CATSPERB: variants seen among roughly 807,000 people sequenced by gnomAD.
CATSPERB encodes cation channel sperm-associated auxiliary subunit beta.
In CATSPERB, 93 loss-of-function variants were observed where a neutral mutation model predicts 128.3. The observed-to-expected ratio is 0.72, with a 90% CI of 0.61 to 0.86. The LOEUF (loss-of-function observed/expected upper bound fraction) is 0.86. Among genes scored for constraint, CATSPERB ranks in the 40% least tolerant of loss-of-function variants. The pLI is 0.00. For synonymous variants in CATSPERB, 381 were observed against 448.8 expected (o/e 0.85, Z 1.91); for missense variants, 1,153 against 1,329.5 (o/e 0.87, Z 2.06).
At position 91,672,854 on chromosome 14, in the gene CATSPERB, A is replaced by T; in HGVS notation, c.1128+13T>A. 6.5e-7 allele frequency: 1 copy of T among 1,534,864 alleles called. No individual in the cohort carries two copies. Among genetic ancestry groups the T allele is most frequent in the Non-Finnish European group, 8.7e-7 (1 of 1,151,778 alleles). On this transcript the variant is annotated intron_variant, in intron 13 of 26. Transcript: ENST00000256343. Reference sequence around the variant, plus strand: ...CATGTCAAGATAAATTCCCTCTGGGATATAAGGCCTACCTTGTTATAGAAG... The same window carrying T: ...CATGTCAAGATAAATTCCCTCTGGGTTATAAGGCCTACCTTGTTATAGAAG...
At chr14:91,709,158 A>G (rs891803531) in intron 5 of CATSPERB, 2 of 152,184 alleles carry the variant, frequency 1.3e-5, no homozygotes, top group Non-Finnish European at 2.9e-5. Flanking sequence ...AAGTACATCA[A>G]TTGCTATCTG....
chr14:91,591,935 T>G lies in CATSPERB; in HGVS notation c.2777A>C (p.Gln926Pro), dbSNP rs1893412226. 4 of 1,614,172 alleles carry G rather than the reference T, an allele frequency of 2.5e-6. No homozygotes were observed. Among genetic ancestry groups the G allele is most frequent in the Non-Finnish European group, 3.4e-6 (4 of 1,179,988 alleles). ...TREECNCTKD[Q>P]KFSHAVAFSD... ...GAAAGCAACAGCATGTGAAAACTTC[T>G]GATCCTTTGTGCAGTTACACTCCTC... The change falls in exon 23 of 27, where the codon CAG becomes CCG. Residue 926 changes from glutamine to proline, a missense_variant. Transcript: ENST00000256343.
At chr14:91,717,679 T>C (rs989594877) in intron 5 of CATSPERB, among the ~76,000 whole-genome samples, 4 of 152,250 alleles carry the variant, frequency 2.6e-5, no homozygotes, top group Non-Finnish European at 5.9e-5. Flanking sequence ...ACCTTTGTTG[T>C]TGATGTTGCC....
intron 17 of CATSPERB, among the ~76,000 whole-genome samples, chr14:91,629,314 A>G (rs1184340326): frequency 6.6e-6 from 1 of 152,224 alleles, no homozygotes. Context: ...ACATTCTGGA[A>G]AAGGCAAAAT....
chr14:91,701,194 AC>A (rs1421452219), intron 7 of CATSPERB, among the ~76,000 whole-genome samples: 1 of 152,192 alleles, frequency 6.6e-6, no homozygotes, highest in African/African-American at 2.4e-5. Flanking sequence ...TGAGGAGGTC[AC>A]CAAATGCTGG....
At chr14:91,666,509 G>A (rs1340831424) in intron 14 of CATSPERB, among the ~76,000 whole-genome samples, 1 of 152,202 alleles carries the variant, frequency 6.6e-6, no homozygotes, top group Non-Finnish European at 1.5e-5. Flanking sequence ...ATCACAGAGA[G>A]AGCAGGGATA....
intron 17 of CATSPERB, among the ~76,000 whole-genome samples, chr14:91,626,175 G>A (rs1226503259): frequency 6.6e-6 from 1 of 151,936 alleles, no homozygotes; most frequent in Non-Finnish European, 1.5e-5. Context: ...AATATAAAAT[G>A]TAAAACTATA....
chr14:91,602,831 T>C (rs1169169680), intron 22 of CATSPERB, among the ~76,000 whole-genome samples: 3 of 152,206 alleles, frequency 2.0e-5, no homozygotes, highest in Non-Finnish European at 2.9e-5. Context: ...AAGTATGAAT[T>C]AATGTAGTCA....
intron 6 of CATSPERB, among the ~76,000 whole-genome samples, chr14:91,705,476 T>C (rs1895719298): frequency 6.6e-6 from 1 of 152,050 alleles, no homozygotes; most frequent in African/African-American, 2.4e-5. Flanking sequence ...GTGAAGCATC[T>C]CCAATGCAGC....
At chr14:91,585,026 A>G (rs147710290) in intron 26 of CATSPERB, among the ~76,000 whole-genome samples, 1 of 138,880 alleles carries the variant, frequency 7.2e-6, no homozygotes, top group Non-Finnish European at 1.6e-5. Flanking sequence ...TTTATTTTTT[A>G]TTTTTTTTGA....
intron 15 of CATSPERB, among the ~76,000 whole-genome samples, chr14:91,650,984 A>G (rs1355274): frequency 0.27 from 41,511 of 152,000 alleles, 5,920 homozygotes; most frequent in African/African-American, 0.31. Flanking sequence ...TGTTTCCAAC[A>G]TTATCTTGCT....
At chr14:91,671,313 C>T (rs189487255) in intron 13 of CATSPERB, among the ~76,000 whole-genome samples, 5 of 152,246 alleles carry the variant, frequency 3.3e-5, no homozygotes, top group Admixed American at 3.3e-4. Context: ...GTGGCTCATG[C>T]CTGCAATTCC....
chr14:91,610,181 G>A (rs569015606), intron 21 of CATSPERB, among the ~76,000 whole-genome samples: 19 of 152,180 alleles, frequency 1.2e-4, no homozygotes, highest in African/African-American at 4.3e-4. Context: ...ATCAGCTTAG[G>A]ACAAGTCAAT....
At chr14:91,718,920 C>G (rs1895985938) in intron 5 of CATSPERB, among the ~76,000 whole-genome samples, 1 of 152,122 alleles carries the variant, frequency 6.6e-6, no homozygotes, top group African/African-American at 2.4e-5. Context: ...TACAGATCTA[C>G]TAGGTCAGTT....
chr14:91,604,581 A>C (rs1282538407), intron 22 of CATSPERB: 1 of 1,610,340 alleles, frequency 6.2e-7, no homozygotes, highest in Non-Finnish European at 8.5e-7. Flanking sequence ...GACTGCAGAG[A>C]TTCCTCTCCA....
chr14:91,604,390 T>C (rs1365889130), intron 22 of CATSPERB: 2 of 979,824 alleles, frequency 2.0e-6, no homozygotes, highest in Non-Finnish European at 3.2e-6. Flanking sequence ...TTAATGTCAA[T>C]TGCACTCTTC....
intron 14 of CATSPERB, among the ~76,000 whole-genome samples, chr14:91,660,278 T>C (rs1326127915): frequency 1.3e-5 from 2 of 152,240 alleles, no homozygotes; most frequent in African/African-American, 4.8e-5. Context: ...GTTATTCCTA[T>C]GATCTCCCAA....
chr14:91,646,813 T>G (rs551193652), intron 15 of CATSPERB, among the ~76,000 whole-genome samples: 146 of 152,358 alleles, frequency 9.6e-4, no homozygotes, highest in African/African-American at 3.3e-3. Context: ...GCAAAAGCTT[T>G]TGGTGTGTTA....
chr14:91,599,348 A>G (rs1461058969), intron 22 of CATSPERB, among the ~76,000 whole-genome samples: 2 of 152,022 alleles, frequency 1.3e-5, no homozygotes, highest in Non-Finnish European at 2.9e-5. Context: ...TCACGAAGTC[A>G]GGAGATTGAG....
Sources: allele counts gnomAD v4.1 joint callset (sites outside exome capture counted in the v4.1 genomes callset), GRCh38; gene constraint gnomAD v4.1.1; transcripts MANE v1.5; gene names NCBI Gene and HGNC (gene_info 2026-07-23, HGNC 2026-07-21).